KALRN: variants seen among roughly 807,000 people sequenced by gnomAD.
KALRN encodes the protein kalirin.
In KALRN, 70 loss-of-function variants were observed where a neutral mutation model predicts 353.7. That is an observed-to-expected ratio of 0.20 (90% CI 0.16 to 0.24). The LOEUF is 0.24. Ranked by LOEUF, KALRN falls within the 10% of genes least tolerant of loss-of-function variation. KALRN has a pLI of 1.00. For synonymous variants in KALRN, 1,391 were observed against 1,434.8 expected (o/e 0.97, Z 0.69); for missense variants, 2,791 against 3,756.7 (o/e 0.74, Z 6.72).
intron 5 of KALRN, among the ~76,000 whole-genome samples, chr3:124,294,851 A>G (rs2076722614): frequency 3.9e-5 from 6 of 152,152 alleles, no homozygotes; most frequent in Admixed American, 3.9e-4. Flanking sequence ...ACATTTCCAA[A>G]TTGTGCGTAT....
chr3:124,537,442 C>G (rs565950706), intron 33 of KALRN, among the ~76,000 whole-genome samples: 1 of 152,106 alleles, frequency 6.6e-6, no homozygotes, highest in African/African-American at 2.4e-5. Flanking sequence ...AATAGAGATA[C>G]AAATATCATT....
At chr3:124,206,219 C>A (rs117928530) in intron 1 of KALRN, among the ~76,000 whole-genome samples, 25 of 152,324 alleles carry the variant, frequency 1.6e-4, no homozygotes, top group Admixed American at 1.5e-3. Flanking sequence ...CAACCCAGGA[C>A]TTACCCTTTC....
intron 10 of KALRN, among the ~76,000 whole-genome samples, chr3:124,368,697 A>G: frequency 6.8e-6 from 1 of 146,450 alleles, no homozygotes; most frequent in Non-Finnish European, 1.5e-5. Context: ...GCACTTTGGG[A>G]AGCCAAGGCA....
At chr3:124,681,518 A>G (rs1260421962) in intron 51 of KALRN, among the ~76,000 whole-genome samples, 5 of 152,316 alleles carry the variant, frequency 3.3e-5, no homozygotes, top group African/African-American at 1.2e-4. Context: ...ACAAACTTTC[A>G]AGTAGCTGGA....
intron 25 of KALRN, among the ~76,000 whole-genome samples, chr3:124,473,084 A>C (rs150459140): frequency 9.8e-5 from 15 of 152,356 alleles, no homozygotes; most frequent in Middle Eastern, 3.4e-3. Flanking sequence ...CTTTCCAAAT[A>C]GGACTTGCCA....
chr3:124,260,727 G>T (rs2072732791), intron 3 of KALRN, among the ~76,000 whole-genome samples: 1 of 152,018 alleles, frequency 6.6e-6, no homozygotes, highest in Admixed American at 6.6e-5. Context: ...GCAAAAAGAG[G>T]GACAGAGCCC....
intron 14 of KALRN, 38 bp from the exon 15 acceptor site, chr3:124,422,774 T>G: frequency 7.0e-6 from 11 of 1,573,388 alleles, no homozygotes; most frequent in Middle Eastern, 1.7e-4. Flanking sequence ...TTCACAGTAC[T>G]AGCTGGTTTT....
At chr3:124,649,337 A>C (rs768698079) in intron 37 of KALRN, among the ~76,000 whole-genome samples, 1 of 152,214 alleles carries the variant, frequency 6.6e-6, no homozygotes, top group Non-Finnish European at 1.5e-5. Context: ...CTGAAGGCCA[A>C]GCTGAAGCCT....
chr3:124,122,318 G>A (rs1451866651), intron 1 of KALRN, among the ~76,000 whole-genome samples: 2 of 151,944 alleles, frequency 1.3e-5, no homozygotes, highest in East Asian at 1.9e-4. Context: ...ATATGTAGGG[G>A]TGCACAAAGC....
At chr3:124,332,748 C>G (rs997884703) in intron 8 of KALRN, among the ~76,000 whole-genome samples, 4 of 152,046 alleles carry the variant, frequency 2.6e-5, no homozygotes, top group Admixed American at 6.5e-5. Flanking sequence ...AGTGTCCCAG[C>G]CTTTCTCTGC....
At chr3:124,360,487 G>A (rs557709697) in intron 10 of KALRN, among the ~76,000 whole-genome samples, 1 of 152,200 alleles carries the variant, frequency 6.6e-6, no homozygotes, top group African/African-American at 2.4e-5. Flanking sequence ...CTCAGAAAGA[G>A]TGGAATCACT....
At chr3:124,427,719 A>G (rs2150412044) in intron 15 of KALRN, among the ~76,000 whole-genome samples, 1 of 152,360 alleles carries the variant, frequency 6.6e-6, no homozygotes, top group South Asian at 2.1e-4. Context: ...AAGTAGTGAT[A>G]TTCTTTCAGT....
At chr3:124,194,280 G>A (rs567466012) in intron 1 of KALRN, among the ~76,000 whole-genome samples, 2 of 152,212 alleles carry the variant, frequency 1.3e-5, no homozygotes, top group African/African-American at 4.8e-5. Context: ...CCTGTGACAT[G>A]ATCTGAATAG....
chr3:124,087,374 C>T (rs1013146708), intron 1 of KALRN, among the ~76,000 whole-genome samples: 2 of 152,100 alleles, frequency 1.3e-5, no homozygotes, highest in African/African-American at 4.8e-5. Context: ...TCTGTGACAA[C>T]CCCATCTTCA....
In KALRN at chr3:124,486,213, C is replaced by A. The variant is rs547144378; in HGVS notation, c.4285-1991C>A. ...AAGGATCAGGGAAAATTTATTGGCC[C>A]AGCTGGTAGATTGGTAGACTTGCTA... On this transcript the variant is annotated intron_variant, in intron 28 of 59. Coordinates refer to ENST00000682506, the MANE Select transcript of KALRN (RefSeq NM_001388419.1). Among the ~76,000 whole-genome samples, 128 of 152,218 alleles carry A rather than the reference C, an allele frequency of 8.4e-4. 1 individual carries two copies. Among genetic ancestry groups the A allele is most frequent in the African/African-American group, 2.9e-3 (121 of 41,532 alleles).
At chr3:124,686,878 G>T (rs910591888) in intron 51 of KALRN, among the ~76,000 whole-genome samples, 1 of 128,866 alleles carries the variant, frequency 7.8e-6, no homozygotes, top group Non-Finnish European at 1.6e-5. Context: ...GCAGTGGCAT[G>T]ATCTCGGCTC....
At chr3:124,143,263 C>T (rs989583847) in intron 1 of KALRN, among the ~76,000 whole-genome samples, 2 of 152,170 alleles carry the variant, frequency 1.3e-5, no homozygotes, top group East Asian at 1.9e-4. Flanking sequence ...CATATTTCTT[C>T]ATATCTCACT....
At chr3:124,550,715 C>T (rs911561107) in intron 33 of KALRN, among the ~76,000 whole-genome samples, 9 of 152,130 alleles carry the variant, frequency 5.9e-5, no homozygotes, top group East Asian at 1.9e-4. Flanking sequence ...TAAGACCAGG[C>T]GCAGTGGCTC....
chr3:124,273,132 G>T (rs1007468262), intron 5 of KALRN, among the ~76,000 whole-genome samples: 1 of 152,204 alleles, frequency 6.6e-6, no homozygotes, highest in African/African-American at 2.4e-5. Context: ...AAATGGGTTG[G>T]TGTTCCCCAT....
Sources: gnomAD v4.1 joint callset for allele counts (sites outside exome capture counted in the v4.1 genomes callset) on GRCh38, gnomAD v4.1.1 for gene constraint, MANE v1.5 for transcripts, NCBI Gene and HGNC (gene_info 2026-07-23, HGNC 2026-07-21) for gene names.